PCMT1: variants seen among roughly 807,000 people sequenced by gnomAD.
PCMT1 encodes protein-L-isoaspartate(D-aspartate) O-methyltransferase.
PCMT1 carries 9 observed loss-of-function variants against 29.2 expected under a neutral mutation model. The ratio of observed to expected loss-of-function variants is 0.31; its 90% CI spans 0.19 to 0.54. The LOEUF (loss-of-function observed/expected upper bound fraction) is 0.54. PCMT1 is among the 20% of genes least tolerant of loss of function. The pLI is 0.95. For missense variants in PCMT1, 184 were observed against 282.2 expected (o/e 0.65, Z 2.49); for synonymous variants, 98 against 97.5 (o/e 1.00, Z -0.03).
chr6:149,769,093 G>C (rs984140459), intron 1 of PCMT1, among the ~76,000 whole-genome samples: 18 of 152,020 alleles, frequency 1.2e-4, no homozygotes, highest in Non-Finnish European at 2.9e-5. Flanking sequence ...TTAATCAGCA[G>C]AAATGTTTTT....
chr6:149,765,808 A>C (rs1787054427), intron 1 of PCMT1: 1 of 216,284 alleles, frequency 4.6e-6, no homozygotes, highest in African/African-American at 2.4e-5. Context: ...CTGTACTAAA[A>C]ATACAATATT....
intron 1 of PCMT1, among the ~76,000 whole-genome samples, chr6:149,758,208 C>CTTTCTTTCTTTTTTTTTTT (rs1554251094): frequency 2.7e-5 from 2 of 73,904 alleles, no homozygotes; most frequent in Non-Finnish European, 5.0e-5. Flanking sequence ...TTCTTTCTTT[C>CTTTCTTTCTTTTTTTTTTT]TTTTTTTTTT....
At chr6:149,769,392 G>A (rs1787221492) in intron 1 of PCMT1, among the ~76,000 whole-genome samples, 1 of 140,256 alleles carries the variant, frequency 7.1e-6, no homozygotes, top group Admixed American at 8.0e-5. Flanking sequence ...TCGGCTCACT[G>A]CAACCTCAGC....
intron 1 of PCMT1, chr6:149,750,239 A>C: frequency 2.1e-6 from 1 of 477,444 alleles, no homozygotes; most frequent in East Asian, 3.4e-5. Flanking sequence ...GAGGGAGTGC[A>C]GTACAGGTGA....
intron 4 of PCMT1, among the ~76,000 whole-genome samples, chr6:149,793,101 T>G (rs957261687): frequency 1.3e-5 from 2 of 151,272 alleles, no homozygotes; most frequent in Admixed American, 6.6e-5. Flanking sequence ...AGGCAGAGGT[T>G]GCAGTGAGCT....
intron 1 of PCMT1, among the ~76,000 whole-genome samples, chr6:149,756,657 G>A (rs1050102712): frequency 6.7e-6 from 1 of 150,082 alleles, no homozygotes. Context: ...GAGCCCCTGC[G>A]CCCAGCCAGC....
At chr6:149,767,721 TG>T (rs1478589974) in intron 1 of PCMT1, among the ~76,000 whole-genome samples, 1 of 151,988 alleles carries the variant, frequency 6.6e-6, no homozygotes, top group Non-Finnish European at 1.5e-5. Context: ...TCTAAATTGC[TG>T]GGATTACAGA....
chr6:149,802,852 G>C (rs1303480688), intron 7 of PCMT1, among the ~76,000 whole-genome samples: 1 of 151,870 alleles, frequency 6.6e-6, no homozygotes, highest in Non-Finnish European at 1.5e-5. Flanking sequence ...TCAGGAGTTT[G>C]AGACTAGCCT....
chr6:149,770,574 C>A (rs1030868630), intron 1 of PCMT1, among the ~76,000 whole-genome samples: 1 of 151,958 alleles, frequency 6.6e-6, no homozygotes, highest in Non-Finnish European at 1.5e-5. Flanking sequence ...GGCGTGGTGG[C>A]ATGCACCTGT....
intron 7 of PCMT1, among the ~76,000 whole-genome samples, chr6:149,806,700 C>A (rs1010691650): frequency 6.6e-6 from 1 of 152,146 alleles, no homozygotes; most frequent in African/African-American, 2.4e-5. Flanking sequence ...AGCGATCCCC[C>A]CTGCCTCAGC....
intron 1 of PCMT1, among the ~76,000 whole-genome samples, chr6:149,757,400 A>G (rs1016698535): frequency 6.6e-6 from 1 of 151,678 alleles, no homozygotes; most frequent in African/African-American, 2.4e-5. Context: ...TTACAAAAAT[A>G]TTTTTATTAA....
intron 1 of PCMT1, among the ~76,000 whole-genome samples, chr6:149,756,447 C>T (rs1786506336): frequency 7.1e-6 from 1 of 141,630 alleles, no homozygotes; most frequent in African/African-American, 2.6e-5. Flanking sequence ...TTCCTGGGTT[C>T]AAGCGACTCC....
intron 3 of PCMT1, among the ~76,000 whole-genome samples, chr6:149,784,715 C>T (rs1419646256): frequency 2.0e-5 from 3 of 152,120 alleles, no homozygotes; most frequent in Non-Finnish European, 4.4e-5. Flanking sequence ...CCACCCACCT[C>T]GGCCTCCCAA....
At chr6:149,776,898 A>G (rs1787593271) in intron 3 of PCMT1, among the ~76,000 whole-genome samples, 1 of 152,212 alleles carries the variant, frequency 6.6e-6, no homozygotes, top group Non-Finnish European at 1.5e-5. Context: ...GGCAGTATCT[A>G]TCGAAATGTG....
rs1562399361 is a variant in PCMT1 at position 149,763,225 on chromosome 6, AATATCTATGATATCTATGATATAT to A, written c.56-7913_56-7890del. 4.3e-4 allele frequency among the ~76,000 whole-genome samples: 16 copies of A among 37,590 alleles called. 4 individuals carry two copies. In the East Asian group the frequency reaches 0.02, roughly 47 times the overall value. 24.7% of individuals were successfully genotyped at this position (37,590 alleles called of 152,430 possible). On this transcript the variant is annotated intron_variant, in intron 1 of 7. Coordinates refer to ENST00000464889, the MANE Select transcript of PCMT1 (RefSeq NM_001360452.2). The stretch of plus-strand genomic sequence containing the variant: ...ATATATCTATGATATCTATGATATA[AATATCTATGATATCTATGATATAT>A]ATATCTATGATATCTATGATATAAA...
chr6:149,787,554 G>A (rs542927271), intron 3 of PCMT1, among the ~76,000 whole-genome samples: 236 of 151,984 alleles, frequency 1.6e-3, no homozygotes, highest in Non-Finnish European at 2.9e-3. Flanking sequence ...GCAGAGACAG[G>A]GTTTCATCAT....
chr6:149,771,958 A>G (rs895397860), intron 2 of PCMT1: 1 of 456,450 alleles, frequency 2.2e-6, no homozygotes. Flanking sequence ...TGCTTAAGTT[A>G]TTAATGACTT....
intron 3 of PCMT1, among the ~76,000 whole-genome samples, chr6:149,787,915 T>A (rs1024906926): frequency 6.6e-6 from 1 of 152,040 alleles, no homozygotes; most frequent in African/African-American, 2.4e-5. Flanking sequence ...GCTCTTTACC[T>A]TTAACTTTTT....
intron 7 of PCMT1, among the ~76,000 whole-genome samples, chr6:149,805,333 C>T (rs1775975790): frequency 6.6e-6 from 1 of 152,196 alleles, no homozygotes; most frequent in African/African-American, 2.4e-5. Context: ...GTGGCTCACG[C>T]CTGTAATCCC....
Sources: gnomAD v4.1 joint callset for allele counts (sites outside exome capture counted in the v4.1 genomes callset) on GRCh38, gnomAD v4.1.1 for gene constraint, MANE v1.5 for transcripts, NCBI Gene and HGNC (gene_info 2026-07-23, HGNC 2026-07-21) for gene names.